The following CSGALNACT1 variants were observed in gnomAD, a reference collection of about 807,000 sequenced individuals.
The protein encoded by CSGALNACT1 is beta4GalNAcT-1.
CSGALNACT1 carries 52 observed loss-of-function variants against 51.0 expected under a neutral mutation model. The ratio of observed to expected loss-of-function variants is 1.02; its 90% CI spans 0.82 to 1.29. CSGALNACT1 has a LOEUF of 1.29. CSGALNACT1 is among the 50% of genes most tolerant of loss of function. The pLI is 0.00. For missense variants in CSGALNACT1, 935 were observed against 679.2 expected (o/e 1.38, Z -4.19); for synonymous variants, 341 against 254.4 (o/e 1.34, Z -3.24).
intron 3 of CSGALNACT1, among the ~76,000 whole-genome samples, chr8:19,575,762 T>C (rs965308768): frequency 6.6e-6 from 1 of 152,174 alleles, no homozygotes; most frequent in Non-Finnish European, 1.5e-5. Flanking sequence ...GGATTTACTT[T>C]AAAATATTCC....
At chr8:19,609,043 A>G (rs578112353) in intron 1 of CSGALNACT1, among the ~76,000 whole-genome samples, 2 of 152,268 alleles carry the variant, frequency 1.3e-5, no homozygotes, top group Admixed American at 1.3e-4. Flanking sequence ...AATTGAGAAC[A>G]TACTGTCCAC....
chr8:19,459,382 CAAAAAAAAAAAAAA>C (rs377411028), intron 4 of CSGALNACT1, among the ~76,000 whole-genome samples: 2 of 69,194 alleles, frequency 2.9e-5, no homozygotes, highest in Admixed American at 1.6e-4. Context: ...AACTTTATCT[CAAAAAAAAAAAAAA>C]AAAAAAAAAA....
chr8:19,656,162 T>C (rs1366358587), intron 1 of CSGALNACT1, among the ~76,000 whole-genome samples: 1 of 152,148 alleles, frequency 6.6e-6, no homozygotes, highest in African/African-American at 2.4e-5. Context: ...AGCAACAAAG[T>C]GTCTGAAGAT....
intron 6 of CSGALNACT1, among the ~76,000 whole-genome samples, chr8:19,439,390 T>C (rs1387737853): frequency 1.3e-5 from 2 of 152,220 alleles, no homozygotes; most frequent in African/African-American, 4.8e-5. Context: ...GTGAGACTGT[T>C]TGCTAAGTGG....
At chr8:19,713,568 G>C (rs2062633482) in intron 1 of CSGALNACT1, among the ~76,000 whole-genome samples, 1 of 152,174 alleles carries the variant, frequency 6.6e-6, no homozygotes, top group South Asian at 2.1e-4. Flanking sequence ...GATCCCATGT[G>C]AATGGTATCC....
At chr8:19,527,445 C>A (rs755941879) in intron 3 of CSGALNACT1, among the ~76,000 whole-genome samples, 1 of 151,952 alleles carries the variant, frequency 6.6e-6, no homozygotes, top group Non-Finnish European at 1.5e-5. Context: ...CCCTCCAACT[C>A]CTAAAAATAG....
chr8:19,642,856 GGTCA>G (rs2056886365), intron 1 of CSGALNACT1, among the ~76,000 whole-genome samples: 1 of 151,378 alleles, frequency 6.6e-6, no homozygotes, highest in Admixed American at 6.6e-5. Context: ...AAAATTGCTG[GGTCA>G]GTCAAAAGAT....
intron 3 of CSGALNACT1, among the ~76,000 whole-genome samples, chr8:19,514,796 G>A (rs2079204027): frequency 6.6e-6 from 1 of 151,662 alleles, no homozygotes; most frequent in South Asian, 2.1e-4. Context: ...TCACTCCACT[G>A]TACTCCAGCC....
At chr8:19,408,584 G>A (rs1377196334) in intron 9 of CSGALNACT1, 29 bp downstream of exon 8, 1 of 1,598,800 alleles carries the variant, frequency 6.3e-7, no homozygotes, top group East Asian at 2.2e-5. Context: ...TGGCCTCTGG[G>A]TGGCAGTAGA....
At chr8:19,571,479 A>G (rs370695749) in intron 3 of CSGALNACT1, among the ~76,000 whole-genome samples, 1 of 151,216 alleles carries the variant, frequency 6.6e-6, no homozygotes, top group African/African-American at 2.5e-5. Context: ...AAAACAAAAA[A>G]AAAAAACAGA....
At chr8:19,506,066 C>G (rs763075847) in exon 4 of CSGALNACT1, 8 of 684,816 alleles carry the variant, frequency 1.2e-5, no homozygotes, top group Non-Finnish European at 1.3e-5. Flanking sequence ...GAAGTGAAAT[C>G]TCCAAGTTTT....
At chr8:19,575,891 C>T (rs1317305147) in intron 3 of CSGALNACT1, among the ~76,000 whole-genome samples, 1 of 152,064 alleles carries the variant, frequency 6.6e-6, no homozygotes, top group Non-Finnish European at 1.5e-5. Context: ...TTGTACCATA[C>T]TTTTCTATCT....
chr8:19,683,910 A>G (rs917148015), upstream of CSGALNACT1, among the ~76,000 whole-genome samples: 1 of 152,204 alleles, frequency 6.6e-6, no homozygotes, highest in Non-Finnish European at 1.5e-5. Flanking sequence ...TCATGCCTGT[A>G]ATCCCAGCAC....
chr8:19,486,817 G>A (rs1188668892), intron 4 of CSGALNACT1, among the ~76,000 whole-genome samples: 1 of 152,086 alleles, frequency 6.6e-6, no homozygotes. Context: ...TCCTCAACTA[G>A]AACACAAGCC....
intron 5 of CSGALNACT1, among the ~76,000 whole-genome samples, chr8:19,441,261 G>A (rs1327814097): frequency 2.0e-5 from 3 of 152,168 alleles, no homozygotes; most frequent in African/African-American, 2.4e-5. Flanking sequence ...GCATCGCCAA[G>A]TCAATCCTAA....
intron 1 of CSGALNACT1, among the ~76,000 whole-genome samples, chr8:19,722,474 A>G (rs781533454): frequency 7.2e-5 from 11 of 152,278 alleles, no homozygotes; most frequent in Middle Eastern, 3.4e-3. Flanking sequence ...AGCAAAGTCA[A>G]CTCAAATAGG....
chr8:19,560,291 A>C (rs539444995), intron 3 of CSGALNACT1, among the ~76,000 whole-genome samples: 1 of 152,356 alleles, frequency 6.6e-6, no homozygotes, highest in Non-Finnish European at 1.5e-5. Flanking sequence ...TAAAGCTTTT[A>C]AAATTTAATT....
At chr8:19,498,325 A>G (rs1198587250) in intron 4 of CSGALNACT1, among the ~76,000 whole-genome samples, 2 of 152,176 alleles carry the variant, frequency 1.3e-5, no homozygotes, top group African/African-American at 2.4e-5. Flanking sequence ...GCAGGACCAC[A>G]TCCACAACCG....
At chr8:19,586,788 C>T (rs1172329312) in intron 3 of CSGALNACT1, among the ~76,000 whole-genome samples, 2 of 152,152 alleles carry the variant, frequency 1.3e-5, no homozygotes, top group Non-Finnish European at 1.5e-5. Flanking sequence ...ACTGGGAACC[C>T]AGAGGTTAAA....
Sources: allele counts gnomAD v4.1 joint callset (sites outside exome capture counted in the v4.1 genomes callset), GRCh38; gene constraint gnomAD v4.1.1; transcripts MANE v1.5; gene names NCBI Gene and HGNC (gene_info 2026-07-23, HGNC 2026-07-21).